Variants in DLGAP4 observed in about 807,000 individuals in gnomAD.
DLGAP4 encodes disks large-associated protein 4.
DLGAP4 carries 18 observed loss-of-function variants against 86.9 expected under a neutral mutation model. The observed-to-expected ratio is 0.21, with a 90% CI of 0.14 to 0.31. The LOEUF is 0.31. DLGAP4 is among the 10% of genes least tolerant of loss of function. The pLI is 1.00. For missense variants in DLGAP4, 1,085 were observed against 1,362.6 expected (o/e 0.80, Z 3.21); for synonymous variants, 548 against 574.3 (o/e 0.95, Z 0.65).
chr20:36,415,149 C>T (rs1029738151), intron 2 of DLGAP4, among the ~76,000 whole-genome samples: 20 of 152,178 alleles, frequency 1.3e-4, no homozygotes, highest in Admixed American at 9.2e-4. Flanking sequence ...GCCTGTAATC[C>T]CAGCTACTCA....
chr20:36,338,415 A>G (rs1185612396), intron 1 of DLGAP4, among the ~76,000 whole-genome samples: 1 of 152,160 alleles, frequency 6.6e-6, no homozygotes, highest in Non-Finnish European at 1.5e-5. Context: ...AAAACAAAAA[A>G]TACAAAATTG....
chr20:36,398,150 A>C (rs1303315384), intron 2 of DLGAP4, among the ~76,000 whole-genome samples: 1 of 152,208 alleles, frequency 6.6e-6, no homozygotes, highest in Admixed American at 6.5e-5. Flanking sequence ...TGTTTGAAAA[A>C]ACACGTATTT....
At chr20:36,433,818 ATT>A (rs1314851725) in intron 3 of DLGAP4, among the ~76,000 whole-genome samples, 1 of 150,860 alleles carries the variant, frequency 6.6e-6, no homozygotes, top group African/African-American at 2.4e-5. Flanking sequence ...TGCCTGGTTA[ATT>A]TTTTGTATGT....
chr20:36,461,993 G>A (rs996080118), intron 7 of DLGAP4: 61 of 984,844 alleles, frequency 6.2e-5, no homozygotes, highest in Non-Finnish European at 7.2e-5. Flanking sequence ...AGCGCCCCCA[G>A]ATCTTTTGGG....
chr20:36,386,703 G>A (rs1472069193), intron 2 of DLGAP4, among the ~76,000 whole-genome samples: 3 of 152,052 alleles, frequency 2.0e-5, no homozygotes, highest in Non-Finnish European at 4.4e-5. Context: ...TCCCACCTCA[G>A]CCTCCCAAGT....
At chr20:36,327,806 T>C (rs2147353841) in intron 1 of DLGAP4, among the ~76,000 whole-genome samples, 1 of 147,682 alleles carries the variant, frequency 6.8e-6, no homozygotes, top group East Asian at 2.0e-4. Flanking sequence ...TTAGCCGGGA[T>C]GGTCTCGATC....
chr20:36,386,006 A>G (rs2031581818), intron 2 of DLGAP4, among the ~76,000 whole-genome samples: 1 of 152,194 alleles, frequency 6.6e-6, no homozygotes, highest in Non-Finnish European at 1.5e-5. Context: ...GAAGAAGGAA[A>G]GGAGAAAAAG....
intron 1 of DLGAP4, among the ~76,000 whole-genome samples, chr20:36,353,005 C>T (rs1035609563): frequency 5.9e-5 from 9 of 152,200 alleles, no homozygotes; most frequent in Non-Finnish European, 1.2e-4. Context: ...CTCCTGCGTC[C>T]ACTGTGTGGC....
intron 1 of DLGAP4, among the ~76,000 whole-genome samples, chr20:36,357,619 G>C (rs1224023125): frequency 6.6e-6 from 1 of 152,184 alleles, no homozygotes; most frequent in Non-Finnish European, 1.5e-5. Flanking sequence ...AAAGACCCCA[G>C]GCAGGAGCAT....
At chr20:36,363,701 C>G (rs1167778737) in intron 1 of DLGAP4, among the ~76,000 whole-genome samples, 15 of 152,328 alleles carry the variant, frequency 9.8e-5, no homozygotes, top group African/African-American at 3.6e-4. Context: ...GGTATTGAAA[C>G]TTGAGCAGTT....
At chr20:36,495,080 C>T (rs1396887557) in intron 7 of DLGAP4, among the ~76,000 whole-genome samples, 1 of 149,550 alleles carries the variant, frequency 6.7e-6, no homozygotes, top group Admixed American at 6.7e-5. Flanking sequence ...GCAACCTCCG[C>T]CTCCCAAGTT....
intron 1 of DLGAP4, among the ~76,000 whole-genome samples, chr20:36,318,503 G>T (rs1261401139): frequency 6.6e-6 from 1 of 152,190 alleles, no homozygotes; most frequent in East Asian, 1.9e-4. Context: ...CTCCCGAGTA[G>T]CTGGGACTAC....
At chr20:36,379,266 G>A (rs1057122165) in intron 2 of DLGAP4, among the ~76,000 whole-genome samples, 1 of 152,194 alleles carries the variant, frequency 6.6e-6, no homozygotes, top group African/African-American at 2.4e-5. Context: ...TGGAGGCCTC[G>A]AGGGCCAGGC....
In DLGAP4 at chr20:36,446,946, T is replaced by G; in HGVS notation, c.1648+9T>G. On this transcript the variant is annotated intron_variant, in intron 7 of 12. Coordinates refer to ENST00000339266, the MANE Select transcript of DLGAP4 (RefSeq NM_001365621.2). Reference sequence around the variant, plus strand: ...TAGTCGCACGCTTCCGAGTGAGTACTGTGATGAGGGAAGGGGTTTTTTTTC... The same window carrying G: ...TAGTCGCACGCTTCCGAGTGAGTACGGTGATGAGGGAAGGGGTTTTTTTTC... 1 of 1,595,308 alleles carries G rather than the reference T, an allele frequency of 6.3e-7. No individual in the cohort carries two copies. The highest frequency in any genetic ancestry group is 2.3e-5 in the East Asian group (1 of 44,364).
At chr20:36,401,477 T>C (rs2032158949) in intron 2 of DLGAP4, among the ~76,000 whole-genome samples, 1 of 152,210 alleles carries the variant, frequency 6.6e-6, no homozygotes, top group African/African-American at 2.4e-5. Context: ...GGCTTTTCCC[T>C]CCCGGGCTGT....
At chr20:36,461,514 A>G in intron 7 of DLGAP4, 1 of 983,194 alleles carries the variant, frequency 1.0e-6, no homozygotes, top group Non-Finnish European at 1.2e-6. Flanking sequence ...GAGGAGGGTG[A>G]GTGCCCGCCG....
intron 2 of DLGAP4, among the ~76,000 whole-genome samples, chr20:36,413,151 T>C (rs1481984819): frequency 6.6e-6 from 1 of 151,826 alleles, no homozygotes; most frequent in Non-Finnish European, 1.5e-5. Context: ...GGCTATTTTT[T>C]GTATTTTTAG....
rs1290945451 is a variant in DLGAP4, at chr20:36,386,129, C to T, written c.-73+18854C>T. Among the ~76,000 whole-genome samples the T allele has an allele frequency of 2.6e-5, 4 of 152,186 alleles. No homozygotes were observed. The East Asian group carries it at 7.7e-4, about 29-fold the overall frequency. On this transcript the variant is annotated intron_variant, in intron 2 of 12. Coordinates refer to ENST00000339266, the MANE Select transcript of DLGAP4 (RefSeq NM_001365621.2). ...ACTTAGGAGACAAAGCCCACCTCGT[C>T]CACACTCTCCCCTGAACCTTTCAGC...
chr20:36,428,294 C>T lies in DLGAP4; in HGVS notation c.-72-3352C>T, dbSNP rs186379295. Among the ~76,000 whole-genome samples, 288 of 152,306 alleles carry T rather than the reference C, an allele frequency of 1.9e-3. 1 individual carries two copies. The highest frequency in any genetic ancestry group is 0.014 in the Middle Eastern group (4 of 294). ...AATTAAAAATTCAGTTTCCCAGTCG[C>T]ACTAGCTGCATGTCAAGTGCTCTGT... On this transcript the variant is annotated intron_variant, in intron 2 of 12. Coordinates refer to ENST00000339266, the MANE Select transcript of DLGAP4 (RefSeq NM_001365621.2).
Sources: allele counts gnomAD v4.1 joint callset (sites outside exome capture counted in the v4.1 genomes callset), GRCh38; gene constraint gnomAD v4.1.1; transcripts MANE v1.5; gene names NCBI Gene and HGNC (gene_info 2026-07-23, HGNC 2026-07-21).